The following KCNMB2 variants were observed in gnomAD, a reference collection of about 807,000 sequenced individuals.
KCNMB2 encodes the protein calcium-activated potassium channel subunit beta-2.
A neutral mutation model predicts 24.5 loss-of-function variants in KCNMB2; 9 were observed. The ratio of observed to expected loss-of-function variants is 0.37; its 90% confidence interval spans 0.22 to 0.64. KCNMB2 has a LOEUF of 0.64. KCNMB2 is among the 30% of genes least tolerant of loss of function. The pLI is 0.63. For synonymous variants in KCNMB2, 109 were observed against 104.4 expected (o/e 1.04, Z -0.27); for missense variants, 226 against 284.3 (o/e 0.79, Z 1.47).
chr3:178,778,462 A>ACGCACGCACGTGCGTGCGCGCGCGCG (rs1437410515), intron 1 of KCNMB2, among the ~76,000 whole-genome samples: 1 of 63,538 alleles, frequency 1.6e-5, no homozygotes, highest in Non-Finnish European at 3.0e-5. Flanking sequence ...TAAGACACAC[A>ACGCACGCACGTGCGTGCGCGCGCGCG]CACACACACA....
At chr3:178,648,478 C>T (rs1271228235) in intron 1 of KCNMB2, among the ~76,000 whole-genome samples, 1 of 152,156 alleles carries the variant, frequency 6.6e-6, no homozygotes, top group Non-Finnish European at 1.5e-5. Flanking sequence ...TTCAAGGCAG[C>T]ACGCTGTGAG....
chr3:178,730,553 T>G (rs940610184), intron 1 of KCNMB2, among the ~76,000 whole-genome samples: 1 of 152,098 alleles, frequency 6.6e-6, no homozygotes, highest in Non-Finnish European at 1.5e-5. Context: ...CTTCGTAAAA[T>G]GTAAATCTAA....
At chr3:178,569,128 T>A (rs1716676082) in intron 1 of KCNMB2, among the ~76,000 whole-genome samples, 1 of 152,130 alleles carries the variant, frequency 6.6e-6, no homozygotes, top group Non-Finnish European at 1.5e-5. Flanking sequence ...GTTGGCTACA[T>A]TTTCCAGAAG....
At chr3:178,669,177 C>A (rs1199435882) in intron 1 of KCNMB2, among the ~76,000 whole-genome samples, 2 of 152,054 alleles carry the variant, frequency 1.3e-5, no homozygotes, top group Non-Finnish European at 2.9e-5. Context: ...ATAGGAAACA[C>A]CTCTCAAACA....
chr3:178,538,243 AC>A (rs1240633182), intron 1 of KCNMB2, among the ~76,000 whole-genome samples: 3 of 152,170 alleles, frequency 2.0e-5, no homozygotes, highest in Non-Finnish European at 4.4e-5. Flanking sequence ...ACGTGACCAG[AC>A]CACATGTCCA....
At chr3:178,616,547 G>T (rs566856866) in intron 1 of KCNMB2, among the ~76,000 whole-genome samples, 3 of 152,332 alleles carry the variant, frequency 2.0e-5, no homozygotes, top group African/African-American at 7.2e-5. Context: ...TGGGGTGGAG[G>T]AGGGGCGACA....
chr3:178,743,619 C>G (rs34718456), intron 1 of KCNMB2, among the ~76,000 whole-genome samples: 1 of 152,172 alleles, frequency 6.6e-6, no homozygotes, highest in African/African-American at 2.4e-5. Flanking sequence ...CCAATCTCTG[C>G]GTCGTGTTGA....
Position 178,655,474 on chromosome 3 carries a change from G to T in KCNMB2, c.-68+118763G>T, listed in dbSNP as rs112498367. ...TAGCCCAGATGGAGTGCTGAGAAAT[G>T]AAAAGAGAAAGCTTTTAGGGTAACT... On this transcript the variant is annotated intron_variant, in intron 1 of 4. Transcript: ENST00000452583. Among the ~76,000 whole-genome samples, 83 of 152,250 alleles carry T rather than the reference G, an allele frequency of 5.5e-4. 1 individual carries two copies. The highest frequency in any genetic ancestry group is 1.9e-3 in the African/African-American group (81 of 41,554).
At chr3:178,633,389 C>T (rs956209195) in intron 1 of KCNMB2, among the ~76,000 whole-genome samples, 2 of 152,250 alleles carry the variant, frequency 1.3e-5, no homozygotes. Context: ...TATAAACCCT[C>T]TGAAATCTAG....
At chr3:178,638,066 T>C (rs555522063) in intron 1 of KCNMB2, among the ~76,000 whole-genome samples, 1 of 152,274 alleles carries the variant, frequency 6.6e-6, no homozygotes, top group Admixed American at 6.5e-5. Flanking sequence ...AGTTACGTCC[T>C]CTTCACCATC....
In KCNMB2 at chr3:178,645,993, G is replaced by A. The variant is rs372980520; in HGVS notation, c.-68+109282G>A. On this transcript the variant is annotated intron_variant, in intron 1 of 4. Coordinates refer to ENST00000452583, the MANE Select transcript of KCNMB2 (RefSeq NM_181361.3). ...ATAATGAGGGCACATATTTTTTTCC[G>A]CTTAGAAGTAAGGCAGACCCTCGCG... Among the ~76,000 whole-genome samples the A allele has an allele frequency of 1.2e-4, 19 of 152,100 alleles. No homozygotes were observed. The East Asian group carries it at 1.9e-3, about 15-fold the overall frequency.
chr3:178,834,692 G>A (rs868741664), intron 4 of KCNMB2, among the ~76,000 whole-genome samples: 1 of 152,046 alleles, frequency 6.6e-6, no homozygotes, highest in Admixed American at 6.6e-5. Context: ...CTGAAATTTG[G>A]CATTTGACAT....
intron 1 of KCNMB2, among the ~76,000 whole-genome samples, chr3:178,579,539 T>C (rs1717120844): frequency 6.6e-6 from 1 of 151,428 alleles, no homozygotes; most frequent in South Asian, 2.1e-4. Context: ...CTGAAGGAGA[T>C]AGAGACATGA....
intron 1 of KCNMB2, among the ~76,000 whole-genome samples, chr3:178,561,404 C>T (rs560069128): frequency 6.6e-6 from 1 of 152,286 alleles, no homozygotes; most frequent in South Asian, 2.1e-4. Flanking sequence ...TACATGAAAG[C>T]TGTGTGGAGT....
intron 1 of KCNMB2, among the ~76,000 whole-genome samples, chr3:178,802,676 T>A (rs1577199965): frequency 6.6e-6 from 1 of 152,210 alleles, no homozygotes; most frequent in Non-Finnish European, 1.5e-5. Flanking sequence ...CTCACTGGCC[T>A]GGAGTGAGAT....
chr3:178,675,579 TA>T (rs919451215), intron 1 of KCNMB2, among the ~76,000 whole-genome samples: 16 of 151,496 alleles, frequency 1.1e-4, no homozygotes, highest in African/African-American at 3.6e-4. Flanking sequence ...CCTTAGACAT[TA>T]AAAAAAAAGT....
At chr3:178,736,700 T>C (rs1306118070) in intron 1 of KCNMB2, among the ~76,000 whole-genome samples, 1 of 152,094 alleles carries the variant, frequency 6.6e-6, no homozygotes, top group Non-Finnish European at 1.5e-5. Flanking sequence ...GCCCACCACA[T>C]AGAGTTATAG....
At chr3:178,779,788 C>A (rs1217875934) in intron 1 of KCNMB2, among the ~76,000 whole-genome samples, 3 of 152,022 alleles carry the variant, frequency 2.0e-5, no homozygotes, top group Non-Finnish European at 4.4e-5. Context: ...TAATAAAAAT[C>A]ATTCATGATC....
chr3:178,578,765 T>C (rs1230910012), intron 1 of KCNMB2, among the ~76,000 whole-genome samples: 4 of 151,790 alleles, frequency 2.6e-5, no homozygotes, highest in African/African-American at 9.7e-5. Flanking sequence ...CTAACAAAGA[T>C]CAAAAAAGAC....
Sources: gnomAD v4.1 joint callset for allele counts (sites outside exome capture counted in the v4.1 genomes callset) on GRCh38, gnomAD v4.1.1 for gene constraint, MANE v1.5 for transcripts, NCBI Gene and HGNC (gene_info 2026-07-23, HGNC 2026-07-21) for gene names.